The following HERC2 variants were observed in gnomAD, a reference collection of about 807,000 sequenced individuals.
HERC2 encodes E3 ubiquitin-protein ligase HERC2.
HERC2 carries 102 observed loss-of-function variants against 537.7 expected under a neutral mutation model. That is an observed-to-expected ratio of 0.19 (90% CI 0.16 to 0.22). HERC2 has a LOEUF of 0.22. Ranked by LOEUF, HERC2 falls within the 10% of genes least tolerant of loss-of-function variation. The pLI is 1.00. For synonymous variants in HERC2, 2,224 were observed against 2,466.2 expected, an observed-to-expected ratio of 0.90 and a Z score of 2.91; for missense variants, 4,236 against 6,198.2, an observed-to-expected ratio of 0.68 and a Z score of 10.63.
chr15:28,266,002 T>C, intron 12 of HERC2, 28 bp from the exon 13 acceptor site: 2 of 1,609,574 alleles, frequency 1.2e-6, no homozygotes, highest in South Asian at 2.2e-5. Context: ...CAAACATGAA[T>C]GCCCTTCTTC....
At chr15:28,261,119 T>A in intron 15 of HERC2, 149 bp from the exon 16 acceptor site, 1 of 617,776 alleles carries the variant, frequency 1.6e-6, no homozygotes, top group Non-Finnish European at 2.8e-6. Context: ...ACAATTCATT[T>A]GCTTTGGGTG....
chr15:28,114,721 G>T lies in HERC2; in HGVS notation c.13804C>A (p.Pro4602Thr). 1.9e-6 allele frequency: 3 copies of T among 1,614,072 alleles called. No individual in the cohort carries two copies. The highest frequency in any genetic ancestry group is 2.5e-6 in the Non-Finnish European group (3 of 1,179,994). The change falls in exon 90 of 93, where the codon CCC becomes ACC. Residue 4602 changes from proline (P) to threonine (T), a missense_variant. Transcript: ENST00000261609. ...TSEEFEAMSLPFTVPSASGQD... is the reference protein window; with the variant it reads ...TSEEFEAMSLTFTVPSASGQD... ...CCACTGGCACTTGGCACTGTGAAGG[G>T]CAGGCTCATGGCTTCAAACTCCTCT...
At chr15:28,245,566 T>TACACACACAC (rs200862998) in intron 23 of HERC2, among the ~76,000 whole-genome samples, 17 of 119,254 alleles carry the variant, frequency 1.4e-4, no homozygotes, top group African/African-American at 4.7e-4. Flanking sequence ...AAAAAATATA[T>TACACACACAC]ACACACACAC....
At chr15:28,196,945 A>G (rs1470488114) in intron 50 of HERC2, among the ~76,000 whole-genome samples, 1 of 152,272 alleles carries the variant, frequency 6.6e-6, no homozygotes, top group Admixed American at 6.5e-5. Context: ...ATCTCAGGGA[A>G]TAAAAACCAC....
intron 55 of HERC2, 89 bp from the exon 56 acceptor site, chr15:28,186,841 A>G (rs1896355490): frequency 2.3e-6 from 2 of 876,314 alleles, no homozygotes; most frequent in Admixed American, 2.1e-5. Flanking sequence ...AGACACGAAC[A>G]TGTACACACG....
At chr15:28,262,112 G>C (rs992422641) in intron 15 of HERC2, among the ~76,000 whole-genome samples, 1 of 152,132 alleles carries the variant, frequency 6.6e-6, no homozygotes, top group African/African-American at 2.4e-5. Flanking sequence ...CTCTCACACT[G>C]CCTTTTCCCT....
chr15:28,259,990 A>G (rs2075374432), intron 16 of HERC2, among the ~76,000 whole-genome samples: 1 of 147,222 alleles, frequency 6.8e-6, no homozygotes, highest in South Asian at 2.2e-4. Flanking sequence ...AAAAAAAAAA[A>G]GAGTAGTAAA....
At chr15:28,284,919 GAAAAAAAAAA>G (rs551327935) in intron 4 of HERC2, among the ~76,000 whole-genome samples, 30 of 32,544 alleles carry the variant, frequency 9.2e-4, no homozygotes, top group East Asian at 2.0e-3. Flanking sequence ...CTCCGTCTCG[GAAAAAAAAAA>G]AAAAAAAAAA....
At chr15:28,295,783 C>T (rs2076452954) in intron 3 of HERC2, among the ~76,000 whole-genome samples, 1 of 152,146 alleles carries the variant, frequency 6.6e-6, no homozygotes, top group Non-Finnish European at 1.5e-5. Context: ...TGGACTTCAT[C>T]TTTTCGTGTC....
Position 28,184,794 on chromosome 15 carries a change from G to A in HERC2, c.8825+1783C>T, listed in dbSNP as rs559674154. Among the ~76,000 whole-genome samples the A allele has an allele frequency of 2.4e-3, 366 of 151,460 alleles. 1 individual carries two copies. Among genetic ancestry groups the A allele is most frequent in the African/African-American group, 8.4e-3 (348 of 41,270 alleles). ...GGAGAATGGCGTGAACCCAGGAAGCGGAGCTTGCAGTGAGCCGAGATTGCA... is the reference window on the plus strand; with the variant it reads ...GGAGAATGGCGTGAACCCAGGAAGCAGAGCTTGCAGTGAGCCGAGATTGCA... On this transcript the variant is annotated intron_variant, in intron 56 of 92. Transcript: ENST00000261609.
At chr15:28,210,592 C>G (rs1315928285) in intron 44 of HERC2, among the ~76,000 whole-genome samples, 1 of 152,042 alleles carries the variant, frequency 6.6e-6, no homozygotes, top group East Asian at 1.9e-4. Flanking sequence ...ACTGAAATTC[C>G]CAGCAGCAGC....
intron 70 of HERC2, among the ~76,000 whole-genome samples, chr15:28,151,445 G>C (rs1892440541): frequency 6.6e-6 from 1 of 152,052 alleles, no homozygotes; most frequent in Non-Finnish European, 1.5e-5. Flanking sequence ...CTCCAGCCTG[G>C]ATGACAGAGC....
intron 68 of HERC2, among the ~76,000 whole-genome samples, chr15:28,163,993 G>A (rs1156536762): frequency 6.6e-6 from 1 of 152,156 alleles, no homozygotes; most frequent in African/African-American, 2.4e-5. Context: ...CTGCTTGTTG[G>A]CACACAGAAG....
intron 52 of HERC2, among the ~76,000 whole-genome samples, chr15:28,192,687 G>A (rs2140277083): frequency 6.6e-6 from 1 of 152,334 alleles, no homozygotes; most frequent in South Asian, 2.1e-4. Flanking sequence ...GGCGAATGGA[G>A]GTGTCAAGAT....
rs1596359979 is a variant in HERC2, at chr15:28,270,864, A to C, written c.1088T>G (p.Leu363Trp). The change falls in exon 10 of 93, where the codon TTG (leucine) becomes TGG (tryptophan). Residue 363 changes from leucine (L) to tryptophan (W), a missense_variant. Leu to Trp is a moderately conservative substitution (Grantham distance 61). This residue lies in a region of HERC2 where 491 missense variants were observed against 559.3 expected (regional missense o/e 0.88). Transcript: ENST00000261609. ...APHSEGDMHL[L>W]SGPLSPNESF... ...CTCATTGGGGCTCAGAGGGCCAGAC[A>C]AAAGCTAGAAAGGAAAAGTAAACAA... The C allele has an allele frequency of 6.2e-7, 1 of 1,613,132 alleles. No homozygotes were observed. Among genetic ancestry groups the C allele is most frequent in the Non-Finnish European group, 8.5e-7 (1 of 1,179,678 alleles).
chr15:28,310,817 C>T (rs2076921233), intron 2 of HERC2, among the ~76,000 whole-genome samples: 1 of 152,046 alleles, frequency 6.6e-6, no homozygotes, highest in African/African-American at 2.4e-5. Flanking sequence ...GTGGCTGACG[C>T]CTGTAATCCC....
chr15:28,267,418 G>C (rs1314463402), intron 12 of HERC2, among the ~76,000 whole-genome samples: 1 of 152,192 alleles, frequency 6.6e-6, no homozygotes, highest in African/African-American at 2.4e-5. Flanking sequence ...TAGAAAGTCA[G>C]TTATAAATAC....
chr15:28,230,241 C>T, intron 31 of HERC2, 126 bp downstream of exon 31: 1 of 909,766 alleles, frequency 1.1e-6, no homozygotes, highest in Admixed American at 1.7e-5. Context: ...CATGAAGCAT[C>T]ACTGGGGCCA....
At chr15:28,301,729 GTATGTGTATATATATATATATATA>G (rs1301122323) in intron 2 of HERC2, among the ~76,000 whole-genome samples, 1,070 of 37,856 alleles carry the variant, frequency 0.028, 51 homozygotes, top group African/African-American at 0.084. Context: ...CTAGTTGTAT[GTATGTGTATATATATATATATATA>G]TATATATATA....
Sources: gnomAD v4.1 joint callset for allele counts (sites outside exome capture counted in the v4.1 genomes callset) on GRCh38, gnomAD v4.1.1 for gene constraint, gnomAD v4.1.1 regional missense constraint, MANE v1.5 for transcripts, NCBI Gene and HGNC (gene_info 2026-07-23, HGNC 2026-07-21) for gene names.